Variants in CAPN12 observed in about 807,000 individuals in gnomAD.
CAPN12 encodes calpain-12.
A neutral mutation model predicts 95.0 loss-of-function variants in CAPN12; 107 were observed. The ratio of observed to expected loss-of-function variants is 1.13; its 90% CI spans 0.96 to 1.32. The LOEUF is 1.32. CAPN12 is among the 40% of genes most tolerant of loss of function. The pLI, the probability that CAPN12 is intolerant of heterozygous loss-of-function variation, is 0.00. For synonymous variants in CAPN12, 505 were observed against 415.5 expected (o/e 1.22, Z -2.62); for missense variants, 1,136 against 997.8 (o/e 1.14, Z -1.87).
chr19:38,737,633 T>A lies in CAPN12; in HGVS notation c.971A>T (p.Glu324Val), dbSNP rs1417893452. 1 of 1,598,876 alleles carries A rather than the reference T, an allele frequency of 6.3e-7. No homozygotes were observed. The highest frequency in any genetic ancestry group is 2.2e-5 in the East Asian group (1 of 44,516). ...GAAATGGAGGAGGAAGTCCCGCAGC[T>A]CCATCCTGCACGGTGGCCCAGTCAG... ...VKKEDGEFWM[E>V]LRDFLLHFDT... The change falls in exon 9 of 21, where the codon GAG becomes GTG. Residue 324 changes from glutamate to valine, a missense_variant. Coordinates refer to ENST00000328867, the MANE Select transcript of CAPN12 (RefSeq NM_144691.4).
chr19:38,744,545 A>G (rs1970772828), upstream of CAPN12: 1 of 314,344 alleles, frequency 3.2e-6, no homozygotes, highest in East Asian at 7.5e-5. Context: ...CGGTGTCTCT[A>G]TCTCTCAGAC....
intron 5 of CAPN12, 130 bp from the exon 6 acceptor site, chr19:38,738,778 G>C (rs961054592): frequency 5.0e-5 from 37 of 743,828 alleles, no homozygotes; most frequent in Non-Finnish European, 7.4e-5. Context: ...GCAGCTCAGA[G>C]ACCATGTCAG....
chr19:38,734,144 G>A lies in CAPN12; in HGVS notation c.1876C>T (p.Gln626Ter), dbSNP rs1344360343. ...AGAGGCCCAGTCTCCCACCTCACCT[G>A]CCACTCCAGGAGGTAGCCCCAGAGC... ...QQLWGYLLEW[Q>*]AIFNKFDEDT... Residue 626 changes from glutamine to a stop codon, truncating the protein, a stop_gained and splice_region_variant, in exon 17 of 21, where the codon CAG becomes TAG. Transcript: ENST00000328867. LOFTEE classifies it high-confidence loss of function. 3 of 1,612,674 alleles carry A rather than the reference G, an allele frequency of 1.9e-6. No homozygotes were observed. Among genetic ancestry groups the A allele is most frequent in the Non-Finnish European group, 2.5e-6 (3 of 1,179,798 alleles).
chr19:38,730,832 G>C lies in CAPN12; in HGVS notation c.*20C>G. The C allele has an allele frequency of 6.4e-7, 1 of 1,550,750 alleles. No homozygotes were observed. The highest frequency in any genetic ancestry group is 2.4e-5 in the East Asian group (1 of 40,984). On this transcript the variant is annotated 3_prime_UTR_variant, in exon 21 of 21. Coordinates refer to ENST00000328867, the MANE Select transcript of CAPN12 (RefSeq NM_144691.4). ...CTCAGCAACCCTGCCCTGAGCAGCA[G>C]GTGCGCCCATCCGGAGATCCTAGGA...
rs1568761594 is a variant in CAPN12 at position 38,731,011 on chromosome 19, T to C, written c.2087A>G (p.Gln696Arg). The C allele has an allele frequency of 4.5e-6, 7 of 1,553,002 alleles. No individual in the cohort carries two copies. The highest frequency in any genetic ancestry group is 1.7e-4 in the Middle Eastern group (1 of 5,978). ...GACCCCCTCACCCCCATCCAGGTGC[T>C]GGCTGCAGTGGCCTGTGCAGAGAGG... Reference protein sequence around the residue: ...HLTCIFCHCSQHLDGGEGVIC... With the variant: ...HLTCIFCHCSRHLDGGEGVIC... The change falls in exon 20 of 21, where the codon CAG (glutamine) becomes CGG (arginine). Residue 696 changes from glutamine to arginine, a missense_variant. Transcript: ENST00000328867.
chr19:38,741,054 G>T (rs1258450441), intron 4 of CAPN12, among the ~76,000 whole-genome samples: 1 of 152,120 alleles, frequency 6.6e-6, no homozygotes, highest in African/African-American at 2.4e-5. Flanking sequence ...AAAAGGCAAA[G>T]ATTTGAGGGT....
intron 4 of CAPN12, among the ~76,000 whole-genome samples, chr19:38,740,552 C>A (rs1332675677): frequency 6.6e-6 from 1 of 152,174 alleles, no homozygotes; most frequent in Non-Finnish European, 1.5e-5. Flanking sequence ...GTAATCCCAG[C>A]GCTTTGGGAA....
chr19:38,734,940 G>A, intron 14 of CAPN12, 70 bp from the exon 15 acceptor site: 2 of 1,457,698 alleles, frequency 1.4e-6, no homozygotes, highest in Non-Finnish European at 1.9e-6. Context: ...CCTGTGCTAG[G>A]GACACGGCAG....
Position 38,743,107 on chromosome 19 carries a change from G to T in CAPN12, c.238-5C>A. ...CTTCGGCTCAGCACAGAACTCCTGT[G>T]GGTGGTGGGGGATTCCAGGCCTCAG... On this transcript the variant is annotated splice_region_variant and splice_polypyrimidine_tract_variant and intron_variant, in intron 1 of 20. Coordinates refer to ENST00000328867, the MANE Select transcript of CAPN12 (RefSeq NM_144691.4). 1 of 1,614,038 alleles carries T rather than the reference G, an allele frequency of 6.2e-7. No homozygotes were observed. The highest frequency in any genetic ancestry group is 1.1e-5 in the South Asian group (1 of 91,090).
chr19:38,731,402 TC>T (rs1437597335), intron 18 of CAPN12, 179 bp from the exon 19 acceptor site: 1 of 623,756 alleles, frequency 1.6e-6, no homozygotes, highest in Non-Finnish European at 2.9e-6. Context: ...TGTTTCCTCA[TC>T]CATCAAACGG....
rs749088387 is a variant in CAPN12 at position 38,731,243 on chromosome 19, G to T, written c.1958-20C>A. On this transcript the variant is annotated intron_variant, in intron 18 of 20. Coordinates refer to ENST00000328867, the MANE Select transcript of CAPN12 (RefSeq NM_144691.4). ...GGAAGCCTAGGGGGAGGCTGCTTCT[G>T]AGCCCAGTGGCCCACAGGGAACCCA... The T allele has an allele frequency of 5.0e-6, 8 of 1,600,352 alleles. No homozygotes were observed. Among genetic ancestry groups the T allele is most frequent in the Non-Finnish European group, 6.8e-6 (8 of 1,169,954 alleles).
chr19:38,743,178 C>G, intron 1 of CAPN12, 76 bp from the exon 2 acceptor site: 2 of 1,565,612 alleles, frequency 1.3e-6, no homozygotes, highest in South Asian at 2.2e-5. Flanking sequence ...TGAGGGCCTC[C>G]AAGCCCATGA....
rs187143708 is a variant in CAPN12, at chr19:38,735,570, G to A, written c.1584-26C>T. 4.1e-4 allele frequency: 661 copies of A among 1,606,436 alleles called. 3 individuals carry two copies. In the African/African-American group the frequency reaches 8.1e-3, roughly 20 times the overall value. On this transcript the variant is annotated intron_variant, in intron 12 of 20. Transcript: ENST00000328867. Reference sequence around the variant, plus strand: ...CTGCAAATTACAGATGGGAAGTGGGGAGGGGGCTGTTTGCCCCAGCTGGGG... The same window carrying A: ...CTGCAAATTACAGATGGGAAGTGGGAAGGGGGCTGTTTGCCCCAGCTGGGG...
intron 2 of CAPN12, 116 bp downstream of exon 2, chr19:38,742,917 G>A: frequency 1.3e-6 from 1 of 784,194 alleles, no homozygotes; most frequent in Non-Finnish European, 2.2e-6. Flanking sequence ...CCTAGGGAGA[G>A]AAGAGACTGA....
Position 38,735,494 on chromosome 19 carries a change from G to A in CAPN12, c.1626+8C>T, listed in dbSNP as rs2037275465. The A allele has an allele frequency of 6.2e-7, 1 of 1,611,358 alleles. No individual in the cohort carries two copies. Among genetic ancestry groups the A allele is most frequent in the Non-Finnish European group, 8.5e-7 (1 of 1,179,510 alleles). On this transcript the variant is annotated splice_region_variant and intron_variant, in intron 13 of 20. Coordinates refer to ENST00000328867, the MANE Select transcript of CAPN12 (RefSeq NM_144691.4). Reference sequence around the variant, plus strand: ...GCCCCATGCCGCCCCTCCAGGAACAGTCCCCACCTGGAGAGACTGCAGGTC... The same window carrying A: ...GCCCCATGCCGCCCCTCCAGGAACAATCCCCACCTGGAGAGACTGCAGGTC...
intron 1 of CAPN12, 136 bp from the exon 2 acceptor site, chr19:38,743,238 A>G (rs1397599060): frequency 2.1e-6 from 2 of 937,672 alleles, no homozygotes; most frequent in Non-Finnish European, 1.6e-6. Flanking sequence ...GGTCTCCAGA[A>G]GTTGTGCTGA....
chr19:38,741,702 A>C lies in CAPN12; in HGVS notation c.560+75T>G, dbSNP rs1036825690. On this transcript the variant is annotated intron_variant, in intron 4 of 20. Transcript: ENST00000328867. ...TTTGGAGGATTGCAGAGCTTGGGGGACTCTGGGTCCCCCTGTGGCTTGATG... is the reference window on the plus strand; with the variant it reads ...TTTGGAGGATTGCAGAGCTTGGGGGCCTCTGGGTCCCCCTGTGGCTTGATG... The C allele has an allele frequency of 1.0e-5, 16 of 1,561,592 alleles. No individual in the cohort carries two copies. In the African/African-American group the frequency reaches 2.1e-4, roughly 20 times the overall value.
chr19:38,730,516 A>ATATT lies in CAPN12; in HGVS notation c.*332_*335dup, dbSNP rs1969500862. The ATATT allele has an allele frequency of 7.9e-6, 3 of 377,392 alleles. No individual in the cohort carries two copies. The East Asian group carries it at 1.4e-4, about 18-fold the overall frequency. 23.4% of individuals were successfully genotyped at this position (377,392 alleles called of 1,614,324 possible). A position where few individuals can be genotyped will look rare whatever the true frequency, so the allele number is the denominator to read the frequency against. ...TGGGGACAGGATAATAAAACATGTAATATTTTTAAGAAGGATTCCTGCAGC... is the reference window on the plus strand; with the variant it reads ...TGGGGACAGGATAATAAAACATGTAATATTTATTTTTAAGAAGGATTCCTGCAGC... On this transcript the variant is annotated 3_prime_UTR_variant, in exon 21 of 21. Transcript: ENST00000328867.
rs1224823913 is a variant in CAPN12, at chr19:38,731,039, C to T, written c.2075-16G>A. ...CTGCAGTGGCCTGTGCAGAGAGGGG[C>T]AGGGTGAGTGCCCACCAGTCCCCGT... is the stretch of plus-strand genomic sequence containing the variant. On this transcript the variant is annotated splice_polypyrimidine_tract_variant and intron_variant, in intron 19 of 20. Transcript: ENST00000328867. The T allele has an allele frequency of 6.4e-7, 1 of 1,556,896 alleles. No individual in the cohort carries two copies. Among genetic ancestry groups the T allele is most frequent in the South Asian group, 1.2e-5 (1 of 84,716 alleles).
Sources: allele counts gnomAD v4.1 joint callset (sites outside exome capture counted in the v4.1 genomes callset), GRCh38; gene constraint gnomAD v4.1.1; transcripts MANE v1.5; gene names NCBI Gene and HGNC (gene_info 2026-07-23, HGNC 2026-07-21).